Variants in POLQ observed in about 807,000 individuals in gnomAD.
The protein encoded by POLQ is epididymis secretory sperm binding protein.
POLQ carries 233 observed loss-of-function variants against 259.2 expected under a neutral mutation model. The observed-to-expected ratio is 0.90, with a 90% confidence interval of 0.81 to 1.00. The LOEUF (loss-of-function observed/expected upper bound fraction) is 1.00, where lower values mean the gene tolerates loss of function less well. Ranked by LOEUF, POLQ falls within the 50% of genes least tolerant of loss-of-function variation. POLQ has a pLI of 0.00. For missense variants in POLQ, 2,871 were observed against 3,051.6 expected (o/e 0.94, Z 1.39); for synonymous variants, 1,025 against 1,048.8 (o/e 0.98, Z 0.44).
At chr3:121,466,391 G>T (rs887839530) in intron 24 of POLQ, among the ~76,000 whole-genome samples, 19 of 121,048 alleles carry the variant, frequency 1.6e-4, no homozygotes, top group African/African-American at 5.8e-4. Context: ...AAGAAAGAAA[G>T]AAATTACCAT....
intron 4 of POLQ, among the ~76,000 whole-genome samples, chr3:121,538,074 A>G (rs913833436): frequency 6.6e-6 from 1 of 152,228 alleles, no homozygotes; most frequent in Middle Eastern, 3.2e-3. Context: ...CTTCACCGAA[A>G]TAAACATACA....
intron 12 of POLQ, among the ~76,000 whole-genome samples, chr3:121,505,323 T>A (rs1214733463): frequency 6.6e-6 from 1 of 152,204 alleles, no homozygotes; most frequent in Non-Finnish European, 1.5e-5. Context: ...TCTTTATAAA[T>A]ATCCCAGTCT....
At chr3:121,530,112 C>T (rs1358781195) in intron 6 of POLQ, among the ~76,000 whole-genome samples, 2 of 152,018 alleles carry the variant, frequency 1.3e-5, no homozygotes, top group Non-Finnish European at 2.9e-5. Context: ...CCAAGAGACA[C>T]ATTAAAATAC....
rs1474415238 is a variant in POLQ at position 121,487,268 on chromosome 3, A to G, written c.5629+34T>C. 1.1e-5 allele frequency: 13 copies of G among 1,200,282 alleles called. No individual in the cohort carries two copies. In the East Asian group the frequency reaches 3.3e-4, roughly 31 times the overall value. The allele number at this position is 1,200,282 out of a possible 1,614,324, so 74.4% of individuals were successfully genotyped here. Reference sequence around the variant, plus strand: ...TATCTCAGTCTACTAAGTAGTTTATAAATATGAAAAAATAAAATTAAAAAA... The same window carrying G: ...TATCTCAGTCTACTAAGTAGTTTATGAATATGAAAAAATAAAATTAAAAAA... On this transcript the variant is annotated intron_variant, in intron 16 of 29. Coordinates refer to ENST00000264233, the MANE Select transcript of POLQ (RefSeq NM_199420.4).
intron 20 of POLQ, among the ~76,000 whole-genome samples, chr3:121,475,746 C>T (rs1417847309): frequency 6.6e-6 from 1 of 152,290 alleles, no homozygotes; most frequent in African/African-American, 2.4e-5. Flanking sequence ...AGGCCCTTTA[C>T]TCTTAGTCCA....
At chr3:121,490,596 C>T (rs935741101) in intron 15 of POLQ, 188 bp from the exon 16 acceptor site, 8 of 606,676 alleles carry the variant, frequency 1.3e-5, no homozygotes, top group Non-Finnish European at 2.3e-5. Context: ...GTTTAAAATG[C>T]ATTCTATATT....
chr3:121,544,202 A>C (rs2048511829), intron 2 of POLQ, among the ~76,000 whole-genome samples: 1 of 151,732 alleles, frequency 6.6e-6, no homozygotes, highest in African/African-American at 2.4e-5. Context: ...AAATACAAAA[A>C]AGTAGCTGGG....
At chr3:121,504,640 A>C (rs1481296056) in intron 12 of POLQ, among the ~76,000 whole-genome samples, 1 of 152,248 alleles carries the variant, frequency 6.6e-6, no homozygotes, top group African/African-American at 2.4e-5. Flanking sequence ...AAACCAAATA[A>C]AATACTAGCA....
intron 9 of POLQ, among the ~76,000 whole-genome samples, chr3:121,517,277 T>C (rs2048305368): frequency 1.3e-5 from 2 of 152,174 alleles, no homozygotes; most frequent in Admixed American, 1.3e-4. Flanking sequence ...AGCATATACA[T>C]GCAATCTGCA....
chr3:121,530,980 G>A (rs1162989888), intron 6 of POLQ, among the ~76,000 whole-genome samples: 1 of 152,084 alleles, frequency 6.6e-6, no homozygotes, highest in Admixed American at 6.6e-5. Flanking sequence ...CTGAGGTCAG[G>A]AGCTCGAGAC....
At chr3:121,507,492 C>T (rs915278241) in intron 12 of POLQ, among the ~76,000 whole-genome samples, 3 of 151,994 alleles carry the variant, frequency 2.0e-5, no homozygotes, top group Non-Finnish European at 2.9e-5. Context: ...TTTGGGAGGC[C>T]GAGGAGGGTG....
intron 25 of POLQ, among the ~76,000 whole-genome samples, chr3:121,450,604 C>G (rs1222280395): frequency 1.4e-5 from 2 of 146,618 alleles, no homozygotes; most frequent in Non-Finnish European, 3.0e-5. Flanking sequence ...TTTAATAGTG[C>G]TGAATATTGG....
rs116769642 is a variant in POLQ, at chr3:121,470,604, T to C, written c.6718+1386A>G. On this transcript the variant is annotated intron_variant, in intron 22 of 29. Coordinates refer to ENST00000264233, the MANE Select transcript of POLQ (RefSeq NM_199420.4). Reference sequence around the variant, plus strand: ...TGGGGTGAGACTGTTATTACCTTATTCGTTTATTGGTTTATTTATTGACTG... The same window carrying C: ...TGGGGTGAGACTGTTATTACCTTATCCGTTTATTGGTTTATTTATTGACTG... 8.7e-3 allele frequency among the ~76,000 whole-genome samples: 1,325 copies of C among 152,222 alleles called. 20 individuals are homozygous for C. Among genetic ancestry groups the C allele is most frequent in the African/African-American group, 0.03 (1,262 of 41,516 alleles).
At chr3:121,463,735 G>A (rs2047812179) in intron 24 of POLQ, among the ~76,000 whole-genome samples, 1 of 152,118 alleles carries the variant, frequency 6.6e-6, no homozygotes. Flanking sequence ...TCATCATATA[G>A]ACAATGCTCT....
intron 9 of POLQ, among the ~76,000 whole-genome samples, chr3:121,516,912 T>C (rs897264435): frequency 2.0e-5 from 3 of 152,232 alleles, no homozygotes; most frequent in African/African-American, 7.2e-5. Context: ...CTTGGAAGTC[T>C]TTAAGACCTC....
chr3:121,451,598 C>G (rs1260235938), intron 25 of POLQ, among the ~76,000 whole-genome samples: 1 of 152,228 alleles, frequency 6.6e-6, no homozygotes, highest in Non-Finnish European at 1.5e-5. Flanking sequence ...GGCTGCAGAA[C>G]AGTGAATATT....
At chr3:121,508,651 C>A (rs2048229316) in intron 12 of POLQ, among the ~76,000 whole-genome samples, 1 of 152,168 alleles carries the variant, frequency 6.6e-6, no homozygotes, top group Admixed American at 6.5e-5. Context: ...ACCTTTGAGC[C>A]TATTATCACC....
rs759898969 is a variant in POLQ, at chr3:121,476,579, G to A, written c.6366C>T (p.Gly2122=). ...AIETQAYQLA[G]HSFSFTSSDD... is the part of the protein sequence containing the mutation. ...CTGAACTGGTGAAAGAAAAACTGTG[G>A]CCAGCTAGTTGATAGGCCTGGGTCT... The change falls in exon 20 of 30, where the codon GGC becomes GGT. Residue 2122 remains glycine, a synonymous_variant. Coordinates refer to ENST00000264233, the MANE Select transcript of POLQ (RefSeq NM_199420.4). 1 of 1,613,744 alleles carries A rather than the reference G, an allele frequency of 6.2e-7. No individual in the cohort carries two copies. The highest frequency in any genetic ancestry group is 8.5e-7 in the Non-Finnish European group (1 of 1,179,830).
chr3:121,450,330 C>G (rs1220032765), intron 25 of POLQ, among the ~76,000 whole-genome samples: 1 of 151,844 alleles, frequency 6.6e-6, no homozygotes, highest in Non-Finnish European at 1.5e-5. Context: ...TACCCCCACC[C>G]CCAAGTTTTC....
Sources: allele counts gnomAD v4.1 joint callset (sites outside exome capture counted in the v4.1 genomes callset), GRCh38; gene constraint gnomAD v4.1.1; transcripts MANE v1.5; gene names NCBI Gene and HGNC (gene_info 2026-07-23, HGNC 2026-07-21).